ZNF140: variants seen among roughly 807,000 people sequenced by gnomAD.
The protein encoded by ZNF140 is zinc finger protein 140 (clone pHZ-39).
Under a neutral mutation model 12.9 loss-of-function variants are expected in ZNF140, and 13 were observed. That is an observed-to-expected ratio of 1.01 (90% confidence interval 0.66 to 1.60). The LOEUF is 1.60. Ranked by LOEUF, ZNF140 falls within the 40% of genes most tolerant of loss-of-function variation. The pLI is 0.00. For synonymous variants in ZNF140, 214 were observed against 186.7 expected (o/e 1.15, Z -1.19); for missense variants, 531 against 548.8 (o/e 0.97, Z 0.32).
chr12:133,105,364 A>G (rs920130750), intron 4 of ZNF140, 146 bp from the exon 5 acceptor site: 1 of 749,860 alleles, frequency 1.3e-6, no homozygotes, highest in African/African-American at 1.8e-5. Context: ...TTCTGGGCAT[A>G]CTACTCAGAT....
intron 4 of ZNF140, among the ~76,000 whole-genome samples, chr12:133,090,865 A>G (rs1487267510): frequency 1.8e-4 from 24 of 133,448 alleles, no homozygotes; most frequent in South Asian, 7.3e-4. Context: ...CATGTAATCC[A>G]GATTTATGTT....
chr12:133,083,678 C>G, intron 4 of ZNF140, 117 bp downstream of exon 4: 2 of 949,550 alleles, frequency 2.1e-6, no homozygotes, highest in Non-Finnish European at 3.2e-6. Context: ...ACTAGAGATA[C>G]GCTAGGCACG....
At chr12:133,082,127 A>G (rs1388943502) in intron 2 of ZNF140, 2 of 152,288 alleles carry the variant, frequency 1.3e-5, no homozygotes, top group African/African-American at 2.4e-5. Flanking sequence ...ATTGTGCTTC[A>G]CAGCAGTGGG....
At position 133,083,554 on chromosome 12, in the gene ZNF140, G is replaced by GT; in HGVS notation, c.229dup (p.Ser77PhefsTer8). Reference sequence around the variant, plus strand: ...GGAAAAGGGAAGTGAAAAGAGATCTGTTTTCAGGTGAGTGAGTTGGAAGCT... The same window carrying GT: ...GGAAAAGGGAAGTGAAAAGAGATCTGTTTTTCAGGTGAGTGAGTTGGAAGCT... On this transcript the variant is annotated frameshift_variant, in exon 4 of 5. Coordinates refer to ENST00000355557, the MANE Select transcript of ZNF140 (RefSeq NM_003440.4). LOFTEE classifies it low-confidence loss of function (END_TRUNC). 1 of 1,613,452 alleles carries GT rather than the reference G, an allele frequency of 6.2e-7. No homozygotes were observed. Among genetic ancestry groups the GT allele is most frequent in the Non-Finnish European group, 8.5e-7 (1 of 1,179,792 alleles).
intron 4 of ZNF140, 56 bp from the exon 5 acceptor site, chr12:133,105,454 T>G (rs1955557636): frequency 6.8e-7 from 1 of 1,477,310 alleles, no homozygotes; most frequent in African/African-American, 1.4e-5. Context: ...AGAAATGGCC[T>G]TATTTTATTC....
At chr12:133,096,938 T>C (rs1955151935) in intron 4 of ZNF140, among the ~76,000 whole-genome samples, 1 of 152,262 alleles carries the variant, frequency 6.6e-6, no homozygotes, top group African/African-American at 2.4e-5. Flanking sequence ...TGTCCAGTTC[T>C]GAAAGAGGGG....
Position 133,106,310 on chromosome 12 carries a change from AT to A in ZNF140, c.1035del (p.Lys346AsnfsTer145). 6.2e-7 allele frequency: 1 copy of A among 1,614,198 alleles called. No homozygotes were observed. Among genetic ancestry groups the A allele is most frequent in the Non-Finnish European group, 8.5e-7 (1 of 1,180,018 alleles). On this transcript the variant is annotated frameshift_variant, in exon 5 of 5. Transcript: ENST00000355557. LOFTEE classifies it low-confidence loss of function (END_TRUNC). ...AGCTTTCCGTTGTCACTCATTCCTTATTAAACATCAGAGAATTCATGCTGGA... is the reference window on the plus strand; with the variant it reads ...AGCTTTCCGTTGTCACTCATTCCTTATAAACATCAGAGAATTCATGCTGGA... Reference protein sequence around the residue: ...RKAFRCHSFLIKHQRIHAGEK... With the variant: ...RKAFRCHSFLXKHQRIHAGEK...
At chr12:133,101,103 A>G (rs2137567133) in intron 4 of ZNF140, 1 of 381,730 alleles carries the variant, frequency 2.6e-6, no homozygotes, top group Admixed American at 3.3e-5. Flanking sequence ...TGATTTTCTG[A>G]AATTGGAATA....
chr12:133,081,361 ATATATATAT>A lies in ZNF140; in HGVS notation c.9+33_9+41del, dbSNP rs1456796651. ...TAATGATTGATAAATATATATATAT[ATATATATAT>A]AAATTTTTATTTTTTTTTTAAGAGA... On this transcript the variant is annotated intron_variant, in intron 2 of 4. Coordinates refer to ENST00000355557, the MANE Select transcript of ZNF140 (RefSeq NM_003440.4). The A allele has an allele frequency of 6.4e-4, 172 of 268,994 alleles. 24 individuals carry two copies. Among genetic ancestry groups the A allele is most frequent in the Non-Finnish European group, 1.0e-3 (162 of 161,628 alleles). 16.7% of individuals were successfully genotyped at this position (268,994 alleles called of 1,614,324 possible). A position where few individuals can be genotyped will look rare whatever the true frequency, so the allele number is the denominator to read the frequency against.
At chr12:133,092,298 T>A (rs77754732) in intron 4 of ZNF140, among the ~76,000 whole-genome samples, 41,021 of 150,648 alleles carry the variant, frequency 0.27, 6,635 homozygotes, top group Non-Finnish European at 0.3. Context: ...ACAGGGATCC[T>A]CGCACCCTCT....
At chr12:133,088,428 A>G (rs1954752800) in intron 4 of ZNF140, among the ~76,000 whole-genome samples, 1 of 152,204 alleles carries the variant, frequency 6.6e-6, no homozygotes, top group Admixed American at 6.5e-5. Flanking sequence ...ATGTCTTTTC[A>G]TGGCTTGATA....
intron 4 of ZNF140, among the ~76,000 whole-genome samples, chr12:133,097,851 T>TGTGTGTGTGTGTGTG (rs1219923897): frequency 1.3e-3 from 105 of 78,644 alleles, no homozygotes; most frequent in African/African-American, 4.3e-3. Flanking sequence ...GTGTGTGTGT[T>TGTGTGTGTGTGTGTG]TTTGAGATGA....
intron 4 of ZNF140, among the ~76,000 whole-genome samples, chr12:133,100,019 G>A (rs1955279187): frequency 6.6e-6 from 1 of 151,680 alleles, no homozygotes; most frequent in Non-Finnish European, 1.5e-5. Flanking sequence ...CTGATGTACG[G>A]TAATCCTCCC....
intron 4 of ZNF140, among the ~76,000 whole-genome samples, chr12:133,094,940 C>T (rs1955015504): frequency 6.6e-6 from 1 of 151,460 alleles, no homozygotes; most frequent in Non-Finnish European, 1.5e-5. Flanking sequence ...GGCTCTGCTA[C>T]ATTTTTACCA....
chr12:133,086,616 CTTT>C (rs1435856632), intron 4 of ZNF140, among the ~76,000 whole-genome samples: 7 of 152,160 alleles, frequency 4.6e-5, no homozygotes, highest in Middle Eastern at 6.8e-3. Context: ...TTCATAGCTT[CTTT>C]TGATGAACAG....
chr12:133,096,473 C>T (rs888747777), intron 4 of ZNF140, among the ~76,000 whole-genome samples: 5 of 152,216 alleles, frequency 3.3e-5, no homozygotes, highest in African/African-American at 7.2e-5. Context: ...CTCTCTTTTC[C>T]GTACAATTTA....
intron 2 of ZNF140, 53 bp downstream of exon 2, chr12:133,081,382 T>TC (rs1954495939): frequency 3.8e-6 from 1 of 261,506 alleles, no homozygotes; most frequent in African/African-American, 2.5e-5. Flanking sequence ...AATTTTTATT[T>TC]TTTTTTTAAG....
chr12:133,080,651 G>C (rs1472396147), upstream of ZNF140: 1 of 152,326 alleles, frequency 6.6e-6, no homozygotes, highest in South Asian at 2.1e-4. Flanking sequence ...TGGGAGGATA[G>C]CCCCTATGCT....
chr12:133,089,853 C>CTTT (rs201164780), intron 4 of ZNF140, among the ~76,000 whole-genome samples: 1 of 138,514 alleles, frequency 7.2e-6, no homozygotes, highest in East Asian at 2.1e-4. Context: ...AATATTTGTG[C>CTTT]TTTTTTTTTT....
Sources: allele counts gnomAD v4.1 joint callset (sites outside exome capture counted in the v4.1 genomes callset), GRCh38; gene constraint gnomAD v4.1.1; transcripts MANE v1.5; gene names NCBI Gene and HGNC (gene_info 2026-07-23, HGNC 2026-07-21).